ECHDC1: variants seen among roughly 807,000 people sequenced by gnomAD.
ECHDC1 encodes ethylmalonyl-CoA decarboxylase.
In ECHDC1, 29 loss-of-function variants were observed where a neutral mutation model predicts 29.7. The observed-to-expected ratio is 0.98, with a 90% CI of 0.73 to 1.33. The LOEUF is 1.33. Among genes scored for constraint, ECHDC1 ranks in the 40% most tolerant of loss-of-function variants. The pLI is 0.00. For synonymous variants in ECHDC1, 126 were observed against 123.1 expected (o/e 1.02, Z -0.15); for missense variants, 328 against 350.0 (o/e 0.94, Z 0.50).
chr6:127,318,143 T>C (rs765560852), intron 3 of ECHDC1, among the ~76,000 whole-genome samples: 6 of 152,230 alleles, frequency 3.9e-5, no homozygotes, highest in Middle Eastern at 3.2e-3. Flanking sequence ...ATCAACTTTA[T>C]TGATTACCAT....
At chr6:127,306,617 G>T (rs2852159) in intron 5 of ECHDC1, among the ~76,000 whole-genome samples, 152,284 of 152,284 alleles carry the variant, frequency 1, 76,142 homozygotes, top group Non-Finnish European at 1. Context: ...TCTGCCATGA[G>T]TGTACATTTC....
rs140386095 is a variant in ECHDC1, at chr6:127,294,422, C to T, written c.498-4145G>A. The T allele has an allele frequency of 2.0e-5, 3 of 152,296 alleles. No homozygotes were observed. In the East Asian group the frequency reaches 5.8e-4, roughly 29 times the overall value. 9.4% of individuals were successfully genotyped at this position (152,296 alleles called of 1,614,324 possible). A position where few individuals can be genotyped will look rare whatever the true frequency, so the allele number is the denominator to read the frequency against. On this transcript the variant is annotated intron_variant, in intron 5 of 5. Transcript: ENST00000454859. ...CACACGTATATTTTCCTGGCACTTT[C>T]TCCCTTTTGTTTTCTACCATCTATA... is the stretch of plus-strand genomic sequence containing the variant.
In ECHDC1 at chr6:127,289,592, G is replaced by T. The variant is rs1056409062; in HGVS notation, c.*277C>A. ...CTCTCCTTTTAAACACTGCTCTTTG[G>T]TTATAAGCTAAGAATTATTATTGGA... is the stretch of plus-strand genomic sequence containing the variant. On this transcript the variant is annotated 3_prime_UTR_variant, in exon 6 of 6. Transcript: ENST00000454859. 9.3e-6 allele frequency: 3 copies of T among 322,526 alleles called. No individual in the cohort carries two copies. The highest frequency in any genetic ancestry group is 4.3e-5 in the African/African-American group (2 of 46,930). The allele number at this position is 322,526 out of a possible 1,614,324, so 20.0% of individuals were successfully genotyped here.
At chr6:127,322,001 T>C (rs1304689567) in intron 3 of ECHDC1, among the ~76,000 whole-genome samples, 1 of 151,152 alleles carries the variant, frequency 6.6e-6, no homozygotes, top group Non-Finnish European at 1.5e-5. Flanking sequence ...AGACTCCATC[T>C]CAAAATAAAC....
chr6:127,305,336 C>T (rs1781362494), intron 5 of ECHDC1, among the ~76,000 whole-genome samples: 1 of 152,142 alleles, frequency 6.6e-6, no homozygotes, highest in South Asian at 2.1e-4. Flanking sequence ...AAAATACCTT[C>T]AAACATGAAA....
intron 3 of ECHDC1, chr6:127,326,395 A>C (rs1356181563): frequency 3.4e-6 from 1 of 292,734 alleles, no homozygotes. Flanking sequence ...AAGTCAATGA[A>C]ATGTCTTTTC....
intron 5 of ECHDC1, among the ~76,000 whole-genome samples, chr6:127,311,071 G>A (rs1781861299): frequency 6.6e-6 from 1 of 152,064 alleles, no homozygotes; most frequent in Non-Finnish European, 1.5e-5. Context: ...TATACGCACT[G>A]GGAAACCAAA....
chr6:127,324,038 C>T (rs187186968), intron 3 of ECHDC1, among the ~76,000 whole-genome samples: 2 of 152,132 alleles, frequency 1.3e-5, no homozygotes, highest in South Asian at 4.1e-4. Flanking sequence ...TAAAGAGCTT[C>T]CACTTAAAGG....
chr6:127,329,433 T>C (rs976824472), intron 2 of ECHDC1, among the ~76,000 whole-genome samples: 2 of 152,208 alleles, frequency 1.3e-5, no homozygotes, highest in African/African-American at 4.8e-5. Flanking sequence ...TCACTATTGA[T>C]CCAATTTAAC....
intron 3 of ECHDC1, among the ~76,000 whole-genome samples, chr6:127,324,753 G>T (rs1319260761): frequency 6.6e-6 from 1 of 152,172 alleles, no homozygotes; most frequent in Non-Finnish European, 1.5e-5. Flanking sequence ...TGGGTCTTTG[G>T]TCTTTGGGCT....
Position 127,303,964 on chromosome 6 carries a change from G to A in ECHDC1, c.497+10852C>T, listed in dbSNP as rs1781253830. 2.0e-5 allele frequency among the ~76,000 whole-genome samples: 3 copies of A among 152,192 alleles called. 1 individual carries two copies. Among genetic ancestry groups the A allele is most frequent in the Admixed American group, 2.0e-4 (3 of 15,268 alleles). On this transcript the variant is annotated intron_variant, in intron 5 of 5. Transcript: ENST00000454859. ...CTCTGGACTTTTCCAGAGTCTAGTG[G>A]AAATCACCACCCTGCAGGGAAGAAC...
chr6:127,306,437 A>C (rs766371718), intron 5 of ECHDC1, among the ~76,000 whole-genome samples: 1 of 152,024 alleles, frequency 6.6e-6, no homozygotes, highest in Non-Finnish European at 1.5e-5. Flanking sequence ...TGTAATCCCT[A>C]ATGTTGTAGG....
Position 127,289,781 on chromosome 6 carries a change from ATTCTG to A in ECHDC1, c.*83_*87del. On this transcript the variant is annotated 3_prime_UTR_variant, in exon 6 of 6. Coordinates refer to ENST00000454859, the MANE Select transcript of ECHDC1 (RefSeq NM_001002030.2). ...CATATTAATAGTAGCCTTCAAAGTA[ATTCTG>A]ATGTTCATATTTAATATCATTTAAC... 1 of 1,301,766 alleles carries A rather than the reference ATTCTG, an allele frequency of 7.7e-7. No homozygotes were observed. Among genetic ancestry groups the A allele is most frequent in the Non-Finnish European group, 1.0e-6 (1 of 955,902 alleles). The allele number at this position is 1,301,766 out of a possible 1,614,324, so 80.6% of individuals were successfully genotyped here.
chr6:127,293,139 G>A (rs1780331182), intron 5 of ECHDC1, among the ~76,000 whole-genome samples: 1 of 152,096 alleles, frequency 6.6e-6, no homozygotes, highest in South Asian at 2.1e-4. Flanking sequence ...ATGATACCAG[G>A]AAGGACTGTT....
chr6:127,334,074 A>T (rs1317365995), intron 1 of ECHDC1, among the ~76,000 whole-genome samples: 1 of 152,058 alleles, frequency 6.6e-6, no homozygotes, highest in Non-Finnish European at 1.5e-5. Flanking sequence ...TCTGCTCACA[A>T]CTTTCCTAAA....
At chr6:127,304,797 T>C (rs983448483) in intron 5 of ECHDC1, among the ~76,000 whole-genome samples, 3 of 152,154 alleles carry the variant, frequency 2.0e-5, no homozygotes, top group Admixed American at 1.3e-4. Context: ...CATAACTTTT[T>C]ATGGCAGAAA....
intron 5 of ECHDC1, among the ~76,000 whole-genome samples, chr6:127,297,262 T>A (rs1023227796): frequency 1.3e-5 from 2 of 152,214 alleles, no homozygotes; most frequent in Non-Finnish European, 2.9e-5. Flanking sequence ...CTAGTGTTTA[T>A]CCTTAAGATA....
intron 3 of ECHDC1, among the ~76,000 whole-genome samples, chr6:127,318,738 A>G (rs560378656): frequency 2.0e-5 from 3 of 152,336 alleles, no homozygotes; most frequent in East Asian, 1.9e-4. Flanking sequence ...TGTTTTGCAC[A>G]TAGTGTTTGT....
At chr6:127,313,144 C>T (rs1782079698) in intron 5 of ECHDC1, 1 of 153,544 alleles carries the variant, frequency 6.5e-6, no homozygotes, top group Non-Finnish European at 1.5e-5. Context: ...AATCCATTTA[C>T]AGCATACAAT....
Sources: allele counts gnomAD v4.1 joint callset (sites outside exome capture counted in the v4.1 genomes callset), GRCh38; gene constraint gnomAD v4.1.1; transcripts MANE v1.5; gene names NCBI Gene and HGNC (gene_info 2026-07-23, HGNC 2026-07-21).